The following ENKUR variants were observed in gnomAD, a reference collection of about 807,000 sequenced individuals.
ENKUR encodes enkurin, TRPC channel interacting protein.
In ENKUR, 19 loss-of-function variants were observed where a neutral mutation model predicts 27.6. The observed-to-expected ratio is 0.69, with a 90% CI of 0.48 to 1.01. The LOEUF (loss-of-function observed/expected upper bound fraction) is 1.01, where lower values mean the gene tolerates loss of function less well. ENKUR is among the 50% of genes least tolerant of loss of function. ENKUR has a pLI of 0.00. For missense variants in ENKUR, 312 were observed against 310.5 expected (o/e 1.00, Z -0.04); for synonymous variants, 117 against 96.9 (o/e 1.21, Z -1.22).
At chr10:25,014,430 G>C (rs1191224368) in intron 1 of ENKUR, among the ~76,000 whole-genome samples, 1 of 151,794 alleles carries the variant, frequency 6.6e-6, no homozygotes, top group East Asian at 1.9e-4. Flanking sequence ...ACAGCACCAA[G>C]AACAGATATA....
At chr10:25,004,606 G>A (rs536891204) in intron 1 of ENKUR, among the ~76,000 whole-genome samples, 4 of 152,174 alleles carry the variant, frequency 2.6e-5, no homozygotes, top group African/African-American at 9.6e-5. Flanking sequence ...CTTTTTAATA[G>A]CATTATTTGT....
intron 2 of ENKUR, among the ~76,000 whole-genome samples, chr10:25,048,434 T>C (rs1231178315): frequency 6.6e-6 from 1 of 151,946 alleles, no homozygotes; most frequent in Non-Finnish European, 1.5e-5. Flanking sequence ...TAAGTCTCAT[T>C]AGGTGTAGAA....
At chr10:25,048,166 C>T (rs1033731628) in intron 2 of ENKUR, among the ~76,000 whole-genome samples, 9 of 152,066 alleles carry the variant, frequency 5.9e-5, no homozygotes, top group South Asian at 2.1e-4. Context: ...CTCACAAAAC[C>T]GCAGGTCATG....
intron 1 of ENKUR, among the ~76,000 whole-genome samples, chr10:25,005,783 T>C (rs749104368): frequency 6.6e-6 from 1 of 152,224 alleles, no homozygotes; most frequent in African/African-American, 2.4e-5. Context: ...CTGCACTTAC[T>C]TGACAACACA....
At chr10:25,023,679 A>T (rs1850770527) in intron 2 of ENKUR, 1 of 1,613,968 alleles carries the variant, frequency 6.2e-7, no homozygotes, top group Non-Finnish European at 8.5e-7. Flanking sequence ...GAATAATTGT[A>T]TACCTGGATG....
intron 2 of ENKUR, among the ~76,000 whole-genome samples, chr10:25,057,380 TACAC>T (rs139515865): frequency 0.13 from 15,207 of 117,536 alleles, 837 homozygotes; most frequent in African/African-American, 0.19. Context: ...TGCACTTTGG[TACAC>T]ACACACACAC....
chr10:25,036,367 C>G (rs1171551965), intron 2 of ENKUR, among the ~76,000 whole-genome samples: 3 of 152,158 alleles, frequency 2.0e-5, no homozygotes, highest in Non-Finnish European at 4.4e-5. Context: ...ATGAGGCTTC[C>G]CAAGCCACGT....
chr10:25,013,937 C>T (rs149797390), intron 1 of ENKUR, among the ~76,000 whole-genome samples: 8 of 147,834 alleles, frequency 5.4e-5, no homozygotes, highest in South Asian at 4.4e-4. Context: ...AGTGAAACTC[C>T]GTCTTGAAAA....
chr10:24,992,129 T>C (rs549635732), intron 3 of ENKUR, among the ~76,000 whole-genome samples: 4 of 152,250 alleles, frequency 2.6e-5, no homozygotes, highest in African/African-American at 7.2e-5. Flanking sequence ...AGAATTACTA[T>C]GTATTCCTTC....
intron 2 of ENKUR, among the ~76,000 whole-genome samples, chr10:25,032,313 A>G (rs1169638966): frequency 8.0e-6 from 1 of 124,264 alleles, no homozygotes; most frequent in Admixed American, 7.3e-5. Flanking sequence ...CAGAGTAAAG[A>G]AGGGGGGGGG....
At chr10:25,040,473 C>G (rs1031671317) in intron 2 of ENKUR, among the ~76,000 whole-genome samples, 3 of 151,602 alleles carry the variant, frequency 2.0e-5, no homozygotes, top group African/African-American at 7.3e-5. Context: ...CAGGTTCACG[C>G]CATTCTCCTG....
chr10:24,990,477 C>A lies in ENKUR; in HGVS notation c.580G>T (p.Glu194Ter). ...AMKRLSDEER[E>*]AVLQGLKKNW... The stretch of plus-strand genomic sequence containing the variant: ...AGAACACACACCTGCAAAACTGCCT[C>A]CCTTTCTTCATCGGAGAGCCTTTTC... Residue 194 changes from glutamate to a stop codon, truncating the protein, a stop_gained, in exon 4 of 6, where the codon GAG becomes TAG. Coordinates refer to ENST00000331161, the MANE Select transcript of ENKUR (RefSeq NM_145010.4). LOFTEE classifies it high-confidence loss of function. The A allele has an allele frequency of 6.2e-7, 1 of 1,612,422 alleles. No individual in the cohort carries two copies. The highest frequency in any genetic ancestry group is 8.5e-7 in the Non-Finnish European group (1 of 1,179,604).
At chr10:24,985,009 T>A in intron 4 of ENKUR, 104 bp from the exon 5 acceptor site, 1 of 900,542 alleles carries the variant, frequency 1.1e-6, no homozygotes, top group Non-Finnish European at 1.7e-6. Flanking sequence ...TAAAAGAAAC[T>A]GACAAAAATA....
At chr10:25,052,770 C>CTTTTTT (rs75625309) in intron 2 of ENKUR, among the ~76,000 whole-genome samples, 1 of 151,396 alleles carries the variant, frequency 6.6e-6, no homozygotes, top group Non-Finnish European at 1.5e-5. Flanking sequence ...GAGACTCTCT[C>CTTTTTT]TTTTTTTTCT....
chr10:24,993,917 G>C (rs1454191388), intron 3 of ENKUR, among the ~76,000 whole-genome samples: 2 of 152,158 alleles, frequency 1.3e-5, no homozygotes, highest in African/African-American at 4.8e-5. Flanking sequence ...AGAAATAATG[G>C]ACTGGAAGTG....
intron 1 of ENKUR, among the ~76,000 whole-genome samples, chr10:25,006,835 G>A (rs192992668): frequency 1.3e-3 from 196 of 152,262 alleles, no homozygotes; most frequent in African/African-American, 4.4e-3. Context: ...TTTGTGTCTC[G>A]ATCTCAGCCC....
At chr10:25,015,740 A>G in intron 1 of ENKUR, 120 bp downstream of exon 1, 3 of 890,794 alleles carry the variant, frequency 3.4e-6, no homozygotes, top group Non-Finnish European at 4.7e-6. Context: ...CTCCAAGGCT[A>G]CTTCATCGAG....
At chr10:25,048,485 A>T (rs1302127448) in intron 2 of ENKUR, among the ~76,000 whole-genome samples, 2 of 151,974 alleles carry the variant, frequency 1.3e-5, no homozygotes, top group Non-Finnish European at 2.9e-5. Flanking sequence ...TGAGTTATAA[A>T]GGGACGGGTA....
chr10:25,062,247 G>A lies in ENKUR; in HGVS notation c.-287C>T, dbSNP rs187364895. The A allele has an allele frequency of 2.8e-5, 4 of 144,164 alleles. No individual in the cohort carries two copies. In the East Asian group the frequency reaches 7.7e-4, roughly 28 times the overall value. The allele number at this position is 144,164 out of a possible 1,614,324, so 8.9% of individuals were successfully genotyped here. ...AGCAAGTAGGACTTGTTGCTCTCTT[G>A]TCACTTTTCCACCAGTGTTCCTCTC... On this transcript the variant is annotated 5_prime_UTR_variant, in exon 1 of 6. Transcript: ENST00000615958.
Sources: allele counts gnomAD v4.1 joint callset (sites outside exome capture counted in the v4.1 genomes callset), GRCh38; gene constraint gnomAD v4.1.1; transcripts MANE v1.5; gene names NCBI Gene and HGNC (gene_info 2026-07-23, HGNC 2026-07-21).